Variants in TMLHE observed in about 807,000 individuals in gnomAD.
The protein encoded by TMLHE is trimethyllysine hydroxylase, epsilon.
TMLHE carries 18 observed loss-of-function variants against 25.7 expected under a neutral mutation model. That is an observed-to-expected ratio of 0.70 (90% CI 0.48 to 1.04). The LOEUF (loss-of-function observed/expected upper bound fraction) is 1.04. Among genes scored for constraint, TMLHE ranks in the 50% least tolerant of loss-of-function variants. TMLHE has a pLI of 0.00. For synonymous variants in TMLHE, 105 were observed against 97.0 expected, an observed-to-expected ratio of 1.08 and a Z score of -0.49; for missense variants, 236 against 259.0, an observed-to-expected ratio of 0.91 and a Z score of 0.61.
chrX:155,554,917 A>G, intron 1 of TMLHE, among the ~76,000 whole-genome samples: 1 of 108,308 alleles, frequency 9.2e-6, no homozygotes, highest in East Asian at 2.9e-4. Flanking sequence ...GTTCTAGGGT[A>G]CACGTGCACC....
intron 1 of TMLHE, among the ~76,000 whole-genome samples, chrX:155,570,948 C>T (rs1446379323): frequency 1.8e-5 from 1 of 56,551 alleles, no homozygotes; most frequent in Non-Finnish European, 4.6e-5. Context: ...CAAACACATT[C>T]AAAAGCTAGC....
intron 2 of TMLHE, among the ~76,000 whole-genome samples, chrX:155,541,577 A>ACTAACATGGTGAAACCCT (rs2067312616): frequency 9.0e-6 from 1 of 111,568 alleles, no homozygotes. Context: ...GAGATTGCTG[A>ACTAACATGGTGAAACCCT]GTCAAATGGT....
At chrX:155,551,461 T>C (rs2067415208) in intron 1 of TMLHE, among the ~76,000 whole-genome samples, 1 of 104,479 alleles carries the variant, frequency 9.6e-6, no homozygotes, top group African/African-American at 3.6e-5. Flanking sequence ...CACACTGTCT[T>C]CCACAATGGT....
chrX:155,512,353 G>A (rs782768317), intron 4 of TMLHE, among the ~76,000 whole-genome samples: 48 of 87,918 alleles, frequency 5.5e-4, no homozygotes, highest in East Asian at 2.2e-3. Context: ...AGAGTGTGAT[G>A]TTCCCCTTCC....
At chrX:155,565,481 A>G (rs1466057001) in intron 1 of TMLHE, among the ~76,000 whole-genome samples, 1 of 61,813 alleles carries the variant, frequency 1.6e-5, no homozygotes, top group African/African-American at 3.6e-5. Context: ...TGTCAGATGC[A>G]CTGCCATGAA....
At chrX:155,591,628 C>G (rs2067694357) in intron 1 of TMLHE, among the ~76,000 whole-genome samples, 1 of 111,170 alleles carries the variant, frequency 9.0e-6, no homozygotes, top group African/African-American at 3.3e-5. Context: ...GAAAATAAAA[C>G]TAATATACCA....
chrX:155,537,977 G>T (rs1478155898), intron 2 of TMLHE, among the ~76,000 whole-genome samples: 2 of 111,526 alleles, frequency 1.8e-5, no homozygotes, highest in African/African-American at 6.5e-5. Flanking sequence ...TATTATTTTT[G>T]TGGTGCTAGT....
intron 1 of TMLHE, among the ~76,000 whole-genome samples, chrX:155,587,755 A>T (rs1557345461): frequency 8.9e-6 from 1 of 112,286 alleles, no homozygotes; most frequent in East Asian, 2.8e-4. Context: ...TCCCATTGAC[A>T]ATAGCTACAA....
At chrX:155,602,426 C>T (rs960200859) in intron 1 of TMLHE, among the ~76,000 whole-genome samples, 2 of 111,106 alleles carry the variant, frequency 1.8e-5, no homozygotes, top group African/African-American at 3.3e-5. Context: ...AGAACATCTA[C>T]GAAAAATGCA....
intron 1 of TMLHE, among the ~76,000 whole-genome samples, chrX:155,576,621 C>T (rs782690722): frequency 1.8e-5 from 2 of 112,090 alleles, no homozygotes; most frequent in East Asian, 5.6e-4. Flanking sequence ...TACAAGGCTA[C>T]TGTAAGCAAA....
At chrX:155,603,365 AGAAT>A (rs1316600213) in intron 1 of TMLHE, among the ~76,000 whole-genome samples, 2 of 45,985 alleles carry the variant, frequency 4.3e-5, no homozygotes, top group Admixed American at 6.7e-4. Flanking sequence ...AAGAAAAGAA[AGAAT>A]GAAAGAAAGA....
intron 1 of TMLHE, among the ~76,000 whole-genome samples, chrX:155,608,473 A>G (rs782304765): frequency 8.9e-6 from 1 of 112,218 alleles, no homozygotes; most frequent in East Asian, 2.8e-4. Flanking sequence ...GACCTAGGCA[A>G]TACCATTCTA....
chrX:155,515,430 G>C (rs1160700578), intron 3 of TMLHE, among the ~76,000 whole-genome samples: 1 of 110,036 alleles, frequency 9.1e-6, no homozygotes, highest in African/African-American at 3.3e-5. Flanking sequence ...TTATTTATTA[G>C]TGATCATCTT....
At chrX:155,523,332 A>AT (rs1220140127) in intron 3 of TMLHE, among the ~76,000 whole-genome samples, 18 of 108,020 alleles carry the variant, frequency 1.7e-4, no homozygotes, top group South Asian at 3.9e-4. Context: ...ATCTACTATG[A>AT]TTTTTTTTTT....
rs782670214 is a variant in TMLHE, at chrX:155,505,647, C to T, written c.995+1251G>A. 7.8e-4 allele frequency among the ~76,000 whole-genome samples: 87 copies of T among 111,256 alleles called. 1 individual carries two copies. The South Asian group carries it at 0.031, about 40-fold the overall frequency. On this transcript the variant is annotated intron_variant, in intron 6 of 7. Transcript: ENST00000334398. ...AGCTATCTTCACCCTGCCTCTTCAC[C>T]CCATATCTCCTTCCCTGCTTTTTTG...
chrX:155,536,566 C>A (rs782481461), intron 2 of TMLHE, among the ~76,000 whole-genome samples: 1 of 111,619 alleles, frequency 9.0e-6, no homozygotes, highest in South Asian at 3.7e-4. Flanking sequence ...TGACTGGAAT[C>A]CATTCTTGCC....
chrX:155,557,390 C>G (rs1167439168), intron 1 of TMLHE, among the ~76,000 whole-genome samples: 3 of 112,135 alleles, frequency 2.7e-5, no homozygotes, highest in Non-Finnish European at 5.6e-5. Flanking sequence ...GGGCCCCTCA[C>G]TTCCCGCAAC....
chrX:155,606,579 A>T lies in TMLHE; in HGVS notation c.-2+6213T>A, dbSNP rs2067787782. ...GGAAACTAATGACAACAAAGATACA[A>T]CATGTCAGAATCTCAAAGACATAGC... On this transcript the variant is annotated intron_variant, in intron 1 of 7. Transcript: ENST00000334398. Among the ~76,000 whole-genome samples the T allele has an allele frequency of 2.7e-5, 3 of 111,009 alleles. No homozygotes were observed. In the South Asian group the frequency reaches 1.1e-3, roughly 42 times the overall value.
chrX:155,558,119 C>A (rs1051092669), intron 1 of TMLHE, among the ~76,000 whole-genome samples: 1 of 111,834 alleles, frequency 8.9e-6, no homozygotes, highest in Non-Finnish European at 1.9e-5. Flanking sequence ...CCTTCTACTA[C>A]CTGGTTCTGA....
Sources: gnomAD v4.1 joint callset for allele counts (sites outside exome capture counted in the v4.1 genomes callset) on GRCh38, gnomAD v4.1.1 for gene constraint, MANE v1.5 for transcripts, NCBI Gene and HGNC (gene_info 2026-07-23, HGNC 2026-07-21) for gene names.